Variants in CNTN5 observed in about 807,000 individuals in gnomAD.
The protein encoded by CNTN5 is contactin-5.
A neutral mutation model predicts 129.1 loss-of-function variants in CNTN5; 77 were observed. That is an observed-to-expected ratio of 0.60 (90% CI 0.50 to 0.72). The LOEUF (loss-of-function observed/expected upper bound fraction) is 0.72, where lower values mean the gene tolerates loss of function less well. CNTN5 is among the 30% of genes least tolerant of loss of function. CNTN5 has a pLI of 0.00. For missense variants in CNTN5, 1,478 were observed against 1,328.8 expected (o/e 1.11, Z -1.75); for synonymous variants, 509 against 465.6 (o/e 1.09, Z -1.20).
chr11:100,032,749 A>G (rs1941784551), intron 9 of CNTN5, among the ~76,000 whole-genome samples: 1 of 152,038 alleles, frequency 6.6e-6, no homozygotes, highest in Non-Finnish European at 1.5e-5. Context: ...AACTTTGCCA[A>G]AAAGGAATTT....
intron 8 of CNTN5, among the ~76,000 whole-genome samples, chr11:99,980,609 G>A (rs1938271437): frequency 6.6e-6 from 1 of 152,136 alleles, no homozygotes; most frequent in Admixed American, 6.5e-5. Flanking sequence ...AGAAGAAAAA[G>A]TACGTATTTT....
chr11:99,227,131 TG>T (rs1214803850), intron 1 of CNTN5, among the ~76,000 whole-genome samples: 2 of 151,880 alleles, frequency 1.3e-5, no homozygotes, highest in Non-Finnish European at 2.9e-5. Context: ...GAGGCCGAGG[TG>T]GGTGGATCAC....
chr11:99,267,920 G>GCACGCACA (rs1555095752), intron 1 of CNTN5, among the ~76,000 whole-genome samples: 1 of 140,432 alleles, frequency 7.1e-6, no homozygotes, highest in Admixed American at 7.1e-5. Flanking sequence ...ACACACACAC[G>GCACGCACA]CACACACACA....
At chr11:99,780,474 GAATA>G (rs1226100045) in intron 3 of CNTN5, among the ~76,000 whole-genome samples, 1 of 151,980 alleles carries the variant, frequency 6.6e-6, no homozygotes, top group Admixed American at 6.6e-5. Flanking sequence ...GTCGGGTTGA[GAATA>G]AATAAGTGAA....
At chr11:100,276,813 A>T (rs1302035255) in intron 18 of CNTN5, among the ~76,000 whole-genome samples, 1 of 152,052 alleles carries the variant, frequency 6.6e-6, no homozygotes, top group Non-Finnish European at 1.5e-5. Flanking sequence ...GTTTCAAACA[A>T]TCCAATAATA....
intron 3 of CNTN5, among the ~76,000 whole-genome samples, chr11:99,648,184 G>A (rs1226667212): frequency 6.6e-6 from 1 of 151,818 alleles, no homozygotes; most frequent in South Asian, 2.1e-4. Context: ...AAATTATTAC[G>A]TGGTTTTTGG....
chr11:99,917,956 C>T (rs1289512694), intron 7 of CNTN5, among the ~76,000 whole-genome samples: 1 of 152,070 alleles, frequency 6.6e-6, no homozygotes, highest in African/African-American at 2.4e-5. Flanking sequence ...ATCTGCTTGA[C>T]CAAGGCCAAC....
chr11:100,010,851 G>A (rs1354017337), intron 9 of CNTN5, among the ~76,000 whole-genome samples: 1 of 151,982 alleles, frequency 6.6e-6, no homozygotes, highest in Non-Finnish European at 1.5e-5. Context: ...ATCCTATTCA[G>A]TAAGGCTTAC....
At chr11:99,685,433 G>C (rs1232515446) in intron 3 of CNTN5, among the ~76,000 whole-genome samples, 5 of 151,588 alleles carry the variant, frequency 3.3e-5, no homozygotes, top group African/African-American at 7.3e-5. Context: ...CTTTCTATTT[G>C]CTTCTTCCAT....
At chr11:99,080,061 G>C (rs760348779) in intron 1 of CNTN5, among the ~76,000 whole-genome samples, 3 of 152,104 alleles carry the variant, frequency 2.0e-5, no homozygotes, top group Admixed American at 6.5e-5. Flanking sequence ...TAGGTGCAAA[G>C]TGAATAATTT....
intron 1 of CNTN5, among the ~76,000 whole-genome samples, chr11:99,174,050 T>G (rs561608242): frequency 1.3e-5 from 2 of 152,098 alleles, no homozygotes; most frequent in East Asian, 3.9e-4. Flanking sequence ...CAGGCTGGAG[T>G]GCAGTGGCCG....
intron 1 of CNTN5, among the ~76,000 whole-genome samples, chr11:99,103,547 A>G (rs1222668189): frequency 6.6e-6 from 1 of 152,168 alleles, no homozygotes; most frequent in Non-Finnish European, 1.5e-5. Context: ...GCATGGATTC[A>G]TATAAATTGA....
intron 2 of CNTN5, among the ~76,000 whole-genome samples, chr11:99,335,091 C>A (rs1022554136): frequency 4.3e-4 from 65 of 152,248 alleles, no homozygotes; most frequent in African/African-American, 1.6e-3. Flanking sequence ...ATTGGAAAAC[C>A]TATAATAACA....
intron 1 of CNTN5, among the ~76,000 whole-genome samples, chr11:99,054,310 GA>G (rs779214617): frequency 2.7e-5 from 4 of 150,256 alleles, no homozygotes; most frequent in East Asian, 3.9e-4. Flanking sequence ...TTCACAGAGA[GA>G]AAAAAAAAGC....
At chr11:99,785,108 C>A (rs561856221) in intron 3 of CNTN5, among the ~76,000 whole-genome samples, 5 of 151,972 alleles carry the variant, frequency 3.3e-5, no homozygotes, top group Non-Finnish European at 7.4e-5. Flanking sequence ...CGTGAGCCAC[C>A]GCACCCTGCC....
At chr11:99,516,810 G>A (rs575247998) in intron 2 of CNTN5, among the ~76,000 whole-genome samples, 3 of 152,084 alleles carry the variant, frequency 2.0e-5, no homozygotes, top group South Asian at 2.1e-4. Flanking sequence ...GTAAGAACTT[G>A]TTTTTTCATT....
intron 3 of CNTN5, among the ~76,000 whole-genome samples, chr11:99,682,014 C>T (rs1379601833): frequency 6.6e-6 from 1 of 151,874 alleles, no homozygotes; most frequent in African/African-American, 2.4e-5. Flanking sequence ...GTAAGCCAAG[C>T]ATTTTAGGTC....
chr11:99,144,604 C>T (rs1044702705), intron 1 of CNTN5, among the ~76,000 whole-genome samples: 5 of 152,126 alleles, frequency 3.3e-5, no homozygotes, highest in African/African-American at 1.2e-4. Context: ...GTCACATAGG[C>T]TTTCTTAATT....
At chr11:99,637,994 A>G (rs897606561) in intron 3 of CNTN5, among the ~76,000 whole-genome samples, 8 of 152,096 alleles carry the variant, frequency 5.3e-5, no homozygotes, top group Non-Finnish European at 7.3e-5. Flanking sequence ...GTTTCAGTCA[A>G]TGGTGGACCA....
Sources: gnomAD v4.1 joint callset for allele counts (sites outside exome capture counted in the v4.1 genomes callset) on GRCh38, gnomAD v4.1.1 for gene constraint, MANE v1.5 for transcripts, NCBI Gene and HGNC (gene_info 2026-07-23, HGNC 2026-07-21) for gene names.